Variants in TENM2 observed in about 807,000 individuals in gnomAD.
TENM2 encodes teneurin-2.
Under a neutral mutation model 245.2 loss-of-function variants are expected in TENM2, and 52 were observed. The ratio of observed to expected loss-of-function variants is 0.21; its 90% confidence interval spans 0.17 to 0.27. The LOEUF (loss-of-function observed/expected upper bound fraction) is 0.27, where lower values mean the gene tolerates loss of function less well. Ranked by LOEUF, TENM2 falls within the 10% of genes least tolerant of loss-of-function variation. TENM2 has a pLI of 1.00. For missense variants in TENM2, 3,046 were observed against 3,666.8 expected (o/e 0.83, Z 4.37); for synonymous variants, 1,363 against 1,438.9 (o/e 0.95, Z 1.19).
In TENM2 at chr5:167,473,286, A is replaced by G. The variant is rs184767359; in HGVS notation, c.502+97813A>G. On this transcript the variant is annotated intron_variant, in intron 2 of 28. Coordinates refer to ENST00000518659, the Ensembl canonical transcript of TENM2. ...GACAAACATAATCACTCTTACTCTT[A>G]TTGATGTTAACAATACTGTTTTTTT... Among the ~76,000 whole-genome samples the G allele has an allele frequency of 9.2e-5, 14 of 152,204 alleles. No homozygotes were observed. In the East Asian group the frequency reaches 2.7e-3, roughly 29 times the overall value.
chr5:167,976,497 A>G (rs1394810909), intron 4 of TENM2, among the ~76,000 whole-genome samples: 1 of 152,182 alleles, frequency 6.6e-6, no homozygotes, highest in Non-Finnish European at 1.5e-5. Context: ...TGTATCTAAC[A>G]TTAGTAATAT....
chr5:167,012,850 G>T, the TENM2 span, among the ~76,000 whole-genome samples: 1 of 146,010 alleles, frequency 6.8e-6, no homozygotes, highest in Admixed American at 6.9e-5. Flanking sequence ...GTGTGTGTTT[G>T]TGTGTGTGTG....
At chr5:167,258,742 A>G in the TENM2 span, among the ~76,000 whole-genome samples, 6 of 152,204 alleles carry the variant, frequency 3.9e-5, no homozygotes, top group Admixed American at 6.6e-5. Context: ...CACAAAGTTT[A>G]AAGTCCATTA....
At chr5:167,030,071 C>G in the TENM2 span, among the ~76,000 whole-genome samples, 1 of 152,138 alleles carries the variant, frequency 6.6e-6, no homozygotes, top group Non-Finnish European at 1.5e-5. Context: ...CAGGGGTCGA[C>G]CAAACATCCT....
At chr5:167,322,698 G>C (rs898708339) in intron 1 of TENM2, among the ~76,000 whole-genome samples, 1 of 152,118 alleles carries the variant, frequency 6.6e-6, no homozygotes, top group Non-Finnish European at 1.5e-5. Context: ...AATGATTAAA[G>C]CTGGAATTTT....
intron 6 of TENM2, among the ~76,000 whole-genome samples, chr5:168,049,016 C>G (rs1433611223): frequency 6.6e-6 from 1 of 152,168 alleles, no homozygotes; most frequent in Non-Finnish European, 1.5e-5. Context: ...AGATTTGAAA[C>G]CTGGTCACCT....
At chr5:167,938,942 C>CAA (rs57042901) in intron 3 of TENM2, among the ~76,000 whole-genome samples, 20 of 105,186 alleles carry the variant, frequency 1.9e-4, no homozygotes, top group Non-Finnish European at 2.4e-4. Flanking sequence ...GACTCCGTCT[C>CAA]AAAAAAAAAA....
rs576415305 is a variant in TENM2, at chr5:167,786,879, T to G, written c.503-89107T>G. ...CACTGGGAATTAATACAACTTTCTA[T>G]GACTCAAATGCAAAAAGTTAACCCG... On this transcript the variant is annotated intron_variant, in intron 2 of 28. Transcript: ENST00000518659. Among the ~76,000 whole-genome samples the G allele has an allele frequency of 5.4e-4, 82 of 152,222 alleles. 1 individual carries two copies. The highest frequency in any genetic ancestry group is 9.3e-4 in the Non-Finnish European group (63 of 68,038).
intron 2 of TENM2, among the ~76,000 whole-genome samples, chr5:167,691,607 C>A (rs1757433842): frequency 6.6e-6 from 1 of 152,182 alleles, no homozygotes; most frequent in African/African-American, 2.4e-5. Flanking sequence ...TCAGCAATCA[C>A]CACCAGAAAA....
At chr5:167,511,577 G>T (rs757700342) in intron 2 of TENM2, among the ~76,000 whole-genome samples, 1 of 152,178 alleles carries the variant, frequency 6.6e-6, no homozygotes, top group African/African-American at 2.4e-5. Flanking sequence ...GTGGCAGAGA[G>T]AAATTTACTT....
chr5:167,001,588 G>T, the TENM2 span, among the ~76,000 whole-genome samples: 1 of 151,788 alleles, frequency 6.6e-6, no homozygotes, highest in Admixed American at 6.6e-5. Flanking sequence ...CAGATTAAAT[G>T]TTGCTTACTT....
chr5:167,259,162 T>C, the TENM2 span, among the ~76,000 whole-genome samples: 2 of 152,112 alleles, frequency 1.3e-5, no homozygotes, highest in Non-Finnish European at 2.9e-5. Flanking sequence ...GTTAGACATA[T>C]AGTAGACCGA....
intron 13 of TENM2, among the ~76,000 whole-genome samples, chr5:168,182,825 C>G (rs1157027787): frequency 4.0e-5 from 4 of 100,706 alleles, no homozygotes; most frequent in East Asian, 5.9e-4. Flanking sequence ...TCAGGGTGCT[C>G]TTTTTTTTTT....
rs73803223 is a variant in TENM2 at position 167,831,191 on chromosome 5, A to G, written c.503-44795A>G. Among the ~76,000 whole-genome samples the G allele has an allele frequency of 9.8e-3, 1,497 of 152,128 alleles. 20 individuals are homozygous for G. The highest frequency in any genetic ancestry group is 0.034 in the African/African-American group (1,425 of 41,490). On this transcript the variant is annotated intron_variant, in intron 2 of 28. Coordinates refer to ENST00000518659, the Ensembl canonical transcript of TENM2. ...GACCTCTGATTAGTAGGAATGGCTTATATAAATTTTGAATTGTATACATTC... is the reference window on the plus strand; with the variant it reads ...GACCTCTGATTAGTAGGAATGGCTTGTATAAATTTTGAATTGTATACATTC...
At chr5:167,280,794 C>G (rs1771008613), upstream of TENM2, among the ~76,000 whole-genome samples, 1 of 151,566 alleles carries the variant, frequency 6.6e-6, no homozygotes, top group African/African-American at 2.4e-5. Flanking sequence ...ATCTATCTAT[C>G]TATCTATCTA....
At chr5:168,190,304 C>A (rs376381745) in intron 13 of TENM2, 33 bp from the exon 16 acceptor site, 2 of 1,571,052 alleles carry the variant, frequency 1.3e-6, no homozygotes, top group South Asian at 2.3e-5. Flanking sequence ...GCCATGAAAT[C>A]TGCTGACTCT....
intron 2 of TENM2, among the ~76,000 whole-genome samples, chr5:167,456,756 C>G (rs1450113925): frequency 1.3e-5 from 2 of 152,190 alleles, no homozygotes; most frequent in Non-Finnish European, 2.9e-5. Context: ...TTTCATCCAT[C>G]TAATTTTCAT....
chr5:167,624,632 C>T (rs1778383857), intron 2 of TENM2, among the ~76,000 whole-genome samples: 1 of 152,158 alleles, frequency 6.6e-6, no homozygotes. Context: ...TTATGTACTA[C>T]ATCTTATCCT....
chr5:167,449,944 G>T (rs1022115591), intron 2 of TENM2, among the ~76,000 whole-genome samples: 3 of 152,130 alleles, frequency 2.0e-5, no homozygotes, highest in Admixed American at 2.0e-4. Flanking sequence ...GGCAACCAGG[G>T]TGAAACTCTG....
Sources: allele counts gnomAD v4.1 joint callset (sites outside exome capture counted in the v4.1 genomes callset), GRCh38; gene constraint gnomAD v4.1.1; transcripts MANE v1.5; gene names NCBI Gene and HGNC (gene_info 2026-07-23, HGNC 2026-07-21).